RNLS: variants seen among roughly 807,000 people sequenced by gnomAD.
RNLS encodes the protein renalase, FAD dependent amine oxidase, also known as renalase.
In RNLS, 39 loss-of-function variants were observed where a neutral mutation model predicts 39.8. The ratio of observed to expected loss-of-function variants is 0.98; its 90% confidence interval spans 0.76 to 1.28. RNLS has a LOEUF of 1.28. RNLS is among the 50% of genes most tolerant of loss of function. The probability of loss-of-function intolerance (pLI) is 0.00; values close to 1 mark genes in which losing one functional copy is unlikely to be tolerated. For missense variants in RNLS, 410 were observed against 413.3 expected (o/e 0.99, Z 0.07); for synonymous variants, 147 against 150.7 (o/e 0.98, Z 0.18).
At chr10:88,501,023 G>A (rs1462323066) in intron 4 of RNLS, among the ~76,000 whole-genome samples, 1 of 139,408 alleles carries the variant, frequency 7.2e-6, no homozygotes, top group African/African-American at 2.7e-5. Context: ...ATATCTCTGT[G>A]TGTGTGTGTG....
chr10:88,506,848 G>A (rs979437898), intron 4 of RNLS, among the ~76,000 whole-genome samples: 3 of 152,124 alleles, frequency 2.0e-5, no homozygotes, highest in Admixed American at 1.3e-4. Flanking sequence ...AAAGCATTCT[G>A]AAGCAACTAA....
intron 4 of RNLS, among the ~76,000 whole-genome samples, chr10:88,392,667 C>T (rs1055227819): frequency 6.6e-6 from 1 of 152,216 alleles, no homozygotes; most frequent in Non-Finnish European, 1.5e-5. Flanking sequence ...GCAACTTTCA[C>T]AAACCCTGGG....
chr10:88,491,523 A>G (rs1266104492), intron 4 of RNLS, among the ~76,000 whole-genome samples: 1 of 152,110 alleles, frequency 6.6e-6, no homozygotes, highest in Non-Finnish European at 1.5e-5. Flanking sequence ...GTGCCACAAA[A>G]ACTCCTTCAG....
chr10:88,314,103 A>C (rs766931434), intron 6 of RNLS, among the ~76,000 whole-genome samples: 1 of 152,202 alleles, frequency 6.6e-6, no homozygotes, highest in Non-Finnish European at 1.5e-5. Context: ...AATCTTGGGA[A>C]GTTATAGTGG....
chr10:88,519,869 G>C, intron 4 of RNLS, among the ~76,000 whole-genome samples: 1 of 151,618 alleles, frequency 6.6e-6, no homozygotes. Flanking sequence ...TGTATTTAGC[G>C]CTGCCTCCAG....
At chr10:88,273,094 GA>G (rs1479829130), downstream of RNLS, among the ~76,000 whole-genome samples, 5 of 152,166 alleles carry the variant, frequency 3.3e-5, no homozygotes, top group Non-Finnish European at 7.3e-5. Flanking sequence ...GCCTCTGCTG[GA>G]AACATTTTGG....
At chr10:88,572,244 T>C (rs1214865381) in intron 4 of RNLS, among the ~76,000 whole-genome samples, 2 of 138,352 alleles carry the variant, frequency 1.4e-5, no homozygotes, top group African/African-American at 2.9e-5. Flanking sequence ...CCTCTGCACA[T>C]ACTTTCCCCA....
At chr10:88,500,799 C>A (rs1180786791) in intron 4 of RNLS, among the ~76,000 whole-genome samples, 1 of 152,082 alleles carries the variant, frequency 6.6e-6, no homozygotes, top group Non-Finnish European at 1.5e-5. Flanking sequence ...CTCCTCTGAT[C>A]TTACCCCTTT....
At chr10:88,355,588 G>T (rs914313643) in intron 5 of RNLS, among the ~76,000 whole-genome samples, 3 of 152,162 alleles carry the variant, frequency 2.0e-5, no homozygotes, top group African/African-American at 4.8e-5. Context: ...GTCTCAGCAG[G>T]ATACCTGGCC....
At chr10:88,582,996 T>C (rs1850733181) in intron 1 of RNLS, 77 bp downstream of exon 1, 8 of 1,494,008 alleles carry the variant, frequency 5.4e-6, no homozygotes, top group African/African-American at 1.4e-5. Context: ...TAGACTTTCT[T>C]GGGTGCAGGC....
chr10:88,323,586 C>T (rs1846340863), intron 5 of RNLS, among the ~76,000 whole-genome samples: 1 of 152,078 alleles, frequency 6.6e-6, no homozygotes, highest in Non-Finnish European at 1.5e-5. Context: ...CACCTTTCAC[C>T]ACAGACAAAA....
At chr10:88,274,717 A>C in exon 7 of RNLS, 80 of 368,324 alleles carry the variant, frequency 2.2e-4, no homozygotes, top group Middle Eastern at 8.2e-4. Flanking sequence ...CAGATGTGGA[A>C]CTGCAGATCA....
chr10:88,260,689 C>T, the RNLS span, among the ~76,000 whole-genome samples: 9 of 152,312 alleles, frequency 5.9e-5, no homozygotes, highest in East Asian at 1.7e-3. Context: ...TTTGTATTCT[C>T]CTCATCCTCC....
At chr10:88,350,352 G>A (rs1247081177) in intron 5 of RNLS, among the ~76,000 whole-genome samples, 3 of 151,780 alleles carry the variant, frequency 2.0e-5, no homozygotes, top group Non-Finnish European at 2.9e-5. Flanking sequence ...ATTTACATTC[G>A]GTATATCTCC....
chr10:88,576,332 G>T (rs746801044), intron 3 of RNLS, among the ~76,000 whole-genome samples: 1 of 152,170 alleles, frequency 6.6e-6, no homozygotes, highest in Admixed American at 6.6e-5. Context: ...TCTTCAGATA[G>T]CTATAAAGAT....
At chr10:88,238,722 G>T in the RNLS span, among the ~76,000 whole-genome samples, 1 of 152,220 alleles carries the variant, frequency 6.6e-6, no homozygotes, top group Non-Finnish European at 1.5e-5. Context: ...CATGTTTTAT[G>T]AGGCTGGGAG....
chr10:88,449,771 G>C (rs994586082), intron 4 of RNLS, among the ~76,000 whole-genome samples: 13 of 152,090 alleles, frequency 8.5e-5, no homozygotes, highest in African/African-American at 3.1e-4. Flanking sequence ...AAACTGGCAT[G>C]AGCTTCTAGT....
intron 4 of RNLS, among the ~76,000 whole-genome samples, chr10:88,535,922 A>G (rs1292384234): frequency 1.3e-5 from 2 of 152,220 alleles, no homozygotes; most frequent in African/African-American, 4.8e-5. Flanking sequence ...GAGAAAGTAG[A>G]GAGAAGAATA....
chr10:88,577,754 T>C (rs1186352771), intron 3 of RNLS, among the ~76,000 whole-genome samples: 3 of 152,152 alleles, frequency 2.0e-5, no homozygotes, highest in Admixed American at 2.0e-4. Context: ...TTCTCTGCAA[T>C]GAGGTTAATG....
Sources: gnomAD v4.1 joint callset for allele counts (sites outside exome capture counted in the v4.1 genomes callset) on GRCh38, gnomAD v4.1.1 for gene constraint, MANE v1.5 for transcripts, NCBI Gene and HGNC (gene_info 2026-07-23, HGNC 2026-07-21) for gene names.